NTN1: variants seen among roughly 807,000 people sequenced by gnomAD.
The protein encoded by NTN1 is netrin 1.
NTN1 carries 11 observed loss-of-function variants against 54.2 expected under a neutral mutation model. The observed-to-expected ratio is 0.20, with a 90% CI of 0.13 to 0.34. The LOEUF (loss-of-function observed/expected upper bound fraction) is 0.34, where lower values mean the gene tolerates loss of function less well. Among genes scored for constraint, NTN1 ranks in the 10% least tolerant of loss-of-function variants. The pLI, the probability that NTN1 is intolerant of heterozygous loss-of-function variation, is 1.00. For missense variants in NTN1, 740 were observed against 893.1 expected, an observed-to-expected ratio of 0.83 and a Z score of 2.18; for synonymous variants, 371 against 382.0, an observed-to-expected ratio of 0.97 and a Z score of 0.33.
intron 2 of NTN1, 45 bp downstream of exon 2, chr17:9,023,436 G>A (rs2091860165): frequency 4.5e-6 from 6 of 1,342,170 alleles, no homozygotes; most frequent in Non-Finnish European, 4.7e-6. Flanking sequence ...TGGGGCCGCG[G>A]GCGGGAGCTG....
At chr17:9,181,144 C>T (rs1024914356) in intron 4 of NTN1, among the ~76,000 whole-genome samples, 2 of 152,202 alleles carry the variant, frequency 1.3e-5, no homozygotes, top group East Asian at 3.9e-4. Context: ...ATTTCCCAGC[C>T]TGTGCCTTCT....
the NTN1 span, among the ~76,000 whole-genome samples, chr17:9,014,197 G>C: frequency 6.6e-6 from 1 of 152,174 alleles, no homozygotes; most frequent in Non-Finnish European, 1.5e-5. Flanking sequence ...TTCCAGGACA[G>C]TCACATCTCC....
At chr17:9,132,317 C>T (rs1010500987) in intron 2 of NTN1, among the ~76,000 whole-genome samples, 1 of 152,248 alleles carries the variant, frequency 6.6e-6, no homozygotes, top group Admixed American at 6.5e-5. Flanking sequence ...CCTGCTGTTC[C>T]GCCTGCCAGG....
intron 2 of NTN1, among the ~76,000 whole-genome samples, chr17:9,105,787 C>G (rs1309079197): frequency 2.0e-5 from 3 of 151,986 alleles, no homozygotes; most frequent in African/African-American, 7.3e-5. Flanking sequence ...GGAATCCTCC[C>G]CCTCCCCCAA....
chr17:9,114,447 TAAA>T (rs372338509), intron 2 of NTN1, among the ~76,000 whole-genome samples: 1 of 145,096 alleles, frequency 6.9e-6, no homozygotes. Context: ...TTACTTGAGT[TAAA>T]AAAAAAAAAG....
chr17:9,098,599 ATAT>A (rs2092139644), intron 2 of NTN1, among the ~76,000 whole-genome samples: 1 of 152,340 alleles, frequency 6.6e-6, no homozygotes, highest in South Asian at 2.1e-4. Context: ...AGCTGTTTTC[ATAT>A]GATCTGGACT....
At chr17:9,146,333 C>T (rs563705237) in intron 2 of NTN1, among the ~76,000 whole-genome samples, 13 of 152,172 alleles carry the variant, frequency 8.5e-5, no homozygotes, top group Non-Finnish European at 1.6e-4. Flanking sequence ...GTGAACTGCC[C>T]CAGCTTTGAA....
chr17:9,127,030 TG>T (rs941658445), intron 2 of NTN1, among the ~76,000 whole-genome samples: 3 of 88,568 alleles, frequency 3.4e-5, no homozygotes, highest in Admixed American at 1.6e-4. Context: ...CCTAGGGACA[TG>T]GGATCAGAGC....
intron 2 of NTN1, among the ~76,000 whole-genome samples, chr17:9,113,028 A>T (rs56387482): frequency 0.11 from 16,012 of 142,738 alleles, 1,045 homozygotes; most frequent in African/African-American, 0.13. Context: ...AATTTTTTTT[A>T]TTTTTATTTT....
At chr17:9,054,283 G>C (rs1036376362) in intron 2 of NTN1, among the ~76,000 whole-genome samples, 3 of 152,282 alleles carry the variant, frequency 2.0e-5, no homozygotes, top group African/African-American at 7.2e-5. Flanking sequence ...CCGAAGAGCC[G>C]AGATGTTAAC....
intron 6 of NTN1, among the ~76,000 whole-genome samples, chr17:9,236,363 C>T (rs75557587): frequency 0.14 from 21,256 of 152,194 alleles, 1,495 homozygotes; most frequent in East Asian, 0.16. Context: ...GGTGGAGTGC[C>T]GTGTGGGTGC....
the NTN1 span, among the ~76,000 whole-genome samples, chr17:9,015,714 G>A: frequency 1.3e-5 from 2 of 152,008 alleles, no homozygotes; most frequent in Non-Finnish European, 2.9e-5. Flanking sequence ...CAGGAGTGGG[G>A]CGCTGTTGTC....
intron 2 of NTN1, among the ~76,000 whole-genome samples, chr17:9,071,404 C>G (rs1209869693): frequency 6.6e-6 from 1 of 152,022 alleles, no homozygotes; most frequent in Non-Finnish European, 1.5e-5. Flanking sequence ...TTCACATTCT[C>G]AGTAATTAGA....
At chr17:9,105,931 G>A (rs2092164708) in intron 2 of NTN1, among the ~76,000 whole-genome samples, 1 of 151,956 alleles carries the variant, frequency 6.6e-6, no homozygotes, top group African/African-American at 2.4e-5. Context: ...AAAAAGAAAT[G>A]CTAGTTGGGT....
In NTN1 at chr17:9,221,124, G is replaced by GC. The variant is rs1233235297; in HGVS notation, c.1412-42dup. 1 of 1,362,068 alleles carries GC rather than the reference G, an allele frequency of 7.3e-7. No individual in the cohort carries two copies. The highest frequency in any genetic ancestry group is 1.1e-6 in the Non-Finnish European group (1 of 952,114). The allele number at this position is 1,362,068 out of a possible 1,614,324, so 84.4% of individuals were successfully genotyped here. ...CTGCCCGCCAGCCTATTCATCGCCA[G>GC]CCTAATTAGTTTTTGTCTGTGCTCC... On this transcript the variant is annotated intron_variant, in intron 5 of 6. Transcript: ENST00000173229. This position sits in a 1 kb window ranked among gnomAD's most constrained non-coding sequence, Gnocchi z 4.5.
chr17:9,149,287 C>T (rs1019700143), intron 2 of NTN1, among the ~76,000 whole-genome samples: 10 of 151,356 alleles, frequency 6.6e-5, no homozygotes, highest in African/African-American at 2.4e-4. Context: ...CCTGCTGCCA[C>T]CCCCCGAGCT....
chr17:9,109,332 C>T (rs2092181307), intron 2 of NTN1, among the ~76,000 whole-genome samples: 1 of 152,138 alleles, frequency 6.6e-6, no homozygotes, highest in Non-Finnish European at 1.5e-5. Flanking sequence ...ACTTTAATTA[C>T]ATGTATGCAT....
intron 2 of NTN1, among the ~76,000 whole-genome samples, chr17:9,089,897 T>TAAA (rs1567707836): frequency 6.6e-6 from 1 of 152,026 alleles, no homozygotes; most frequent in Non-Finnish European, 1.5e-5. Context: ...CTTTTTTTTT[T>TAAA]AAACACCAAC....
At chr17:9,007,596 ACCTT>A in the NTN1 span, among the ~76,000 whole-genome samples, 767 of 59,968 alleles carry the variant, frequency 0.013, 14 homozygotes, top group African/African-American at 0.046. Flanking sequence ...CTCCCTTCCT[ACCTT>A]CCTTCCTTCC....
Sources: allele counts gnomAD v4.1 joint callset (sites outside exome capture counted in the v4.1 genomes callset), GRCh38; gene constraint gnomAD v4.1.1; non-coding constraint Gnocchi (gnomAD v3.1); transcripts MANE v1.5; gene names NCBI Gene and HGNC (gene_info 2026-07-23, HGNC 2026-07-21).